The following MCTP1 variants were observed in gnomAD, a reference collection of about 807,000 sequenced individuals.
MCTP1 encodes the protein multiple C2 and transmembrane domain-containing protein 1.
A neutral mutation model predicts 120.6 loss-of-function variants in MCTP1; 69 were observed. That is an observed-to-expected ratio of 0.57 (90% CI 0.47 to 0.70). MCTP1 has a LOEUF of 0.70. MCTP1 is among the 30% of genes least tolerant of loss of function. The probability of loss-of-function intolerance (pLI) is 0.00; values close to 1 mark genes in which losing one functional copy is unlikely to be tolerated. For missense variants in MCTP1, 1,203 were observed against 1,248.8 expected (o/e 0.96, Z 0.55); for synonymous variants, 529 against 493.1 (o/e 1.07, Z -0.96).
chr5:94,877,343 A>G (rs1799104967), intron 12 of MCTP1, among the ~76,000 whole-genome samples: 1 of 152,230 alleles, frequency 6.6e-6, no homozygotes, highest in East Asian at 1.9e-4. Flanking sequence ...ATGAAGACTC[A>G]TACTTTTATC....
At chr5:94,792,116 C>T (rs1779111929) in intron 18 of MCTP1, 1 of 152,578 alleles carries the variant, frequency 6.6e-6, no homozygotes, top group Non-Finnish European at 1.5e-5. Flanking sequence ...AGACCTCAAA[C>T]TCTTCATGTG....
intron 1 of MCTP1, among the ~76,000 whole-genome samples, chr5:95,143,489 T>C (rs1760111129): frequency 6.6e-6 from 1 of 152,110 alleles, no homozygotes; most frequent in African/African-American, 2.4e-5. Context: ...TGTGATTCCA[T>C]GGTTTGGGGT....
At chr5:94,961,879 C>A (rs1252144959) in intron 2 of MCTP1, among the ~76,000 whole-genome samples, 1 of 152,068 alleles carries the variant, frequency 6.6e-6, no homozygotes, top group Non-Finnish European at 1.5e-5. Context: ...CCTCCTTAGC[C>A]CACTTTTCGA....
chr5:94,764,828 CAAAA>C (rs57246943), intron 19 of MCTP1, among the ~76,000 whole-genome samples: 3 of 90,966 alleles, frequency 3.3e-5, no homozygotes, highest in Admixed American at 1.2e-4. Context: ...TGACCTGGAC[CAAAA>C]AAAAAAAAAA....
At chr5:94,836,180 A>C (rs953842542) in intron 17 of MCTP1, among the ~76,000 whole-genome samples, 14 of 6,440 alleles carry the variant, frequency 2.2e-3, no homozygotes, top group African/African-American at 6.8e-3. Context: ...ACTCCGTCTC[A>C]AAAAAAAAAA....
chr5:95,089,117 CA>C (rs1339759561), intron 1 of MCTP1, among the ~76,000 whole-genome samples: 1 of 152,138 alleles, frequency 6.6e-6, no homozygotes, highest in Non-Finnish European at 1.5e-5. Context: ...AACTACAGAG[CA>C]AGTAACCACC....
intron 17 of MCTP1, 25 bp downstream of exon 17, chr5:94,868,308 T>A (rs745723169): frequency 1.1e-5 from 17 of 1,546,698 alleles, no homozygotes; most frequent in Non-Finnish European, 1.5e-5. Flanking sequence ...TGAATAACAA[T>A]GTAAGTAATA....
intron 1 of MCTP1, among the ~76,000 whole-genome samples, chr5:95,076,710 T>G (rs966040725): frequency 6.6e-6 from 1 of 152,234 alleles, no homozygotes; most frequent in Non-Finnish European, 1.5e-5. Context: ...ACAACGCATC[T>G]GTACATAAAG....
At chr5:94,835,233 C>G (rs1377913209) in intron 17 of MCTP1, among the ~76,000 whole-genome samples, 1 of 152,186 alleles carries the variant, frequency 6.6e-6, no homozygotes, top group African/African-American at 2.4e-5. Flanking sequence ...TTAACTGATT[C>G]TCTACTATGA....
At chr5:94,882,193 A>G (rs899219332) in intron 12 of MCTP1, among the ~76,000 whole-genome samples, 1 of 152,178 alleles carries the variant, frequency 6.6e-6, no homozygotes, top group Non-Finnish European at 1.5e-5. Flanking sequence ...GGTCTCACAT[A>G]AAATGAATTA....
intron 1 of MCTP1, among the ~76,000 whole-genome samples, chr5:95,283,558 T>C (rs1222976112): frequency 6.6e-6 from 1 of 152,248 alleles, no homozygotes; most frequent in African/African-American, 2.4e-5. Flanking sequence ...GGACATCTCC[T>C]TTCAGGAGAA....
At chr5:94,985,764 T>C (rs1187740182) in intron 2 of MCTP1, among the ~76,000 whole-genome samples, 1 of 152,102 alleles carries the variant, frequency 6.6e-6, no homozygotes, top group Non-Finnish European at 1.5e-5. Context: ...GTGAAAAACA[T>C]AGTTGCTGCC....
At chr5:95,233,655 A>T (rs758182135) in intron 1 of MCTP1, among the ~76,000 whole-genome samples, 31 of 152,216 alleles carry the variant, frequency 2.0e-4, no homozygotes, top group Non-Finnish European at 3.7e-4. Flanking sequence ...TAAATAAATC[A>T]TAAGTCAAAG....
At chr5:94,880,033 G>A (rs139645649) in intron 12 of MCTP1, among the ~76,000 whole-genome samples, 71 of 152,198 alleles carry the variant, frequency 4.7e-4, no homozygotes, top group Non-Finnish European at 9.3e-4. Context: ...GGAGACAGAT[G>A]AGAAACTGGA....
intron 1 of MCTP1, among the ~76,000 whole-genome samples, chr5:95,182,339 G>GT (rs113333476): frequency 0.012 from 1,899 of 152,306 alleles, 36 homozygotes; most frequent in African/African-American, 0.043. Flanking sequence ...GATTTGATAA[G>GT]ATATTGAGAA....
At chr5:94,807,792 T>C (rs1433731500) in intron 17 of MCTP1, among the ~76,000 whole-genome samples, 2 of 152,150 alleles carry the variant, frequency 1.3e-5, no homozygotes, top group African/African-American at 4.8e-5. Context: ...CAATGAAGAA[T>C]TTTCCTGCCC....
intron 6 of MCTP1, among the ~76,000 whole-genome samples, chr5:94,927,569 T>A (rs1813479835): frequency 6.6e-6 from 1 of 152,128 alleles, no homozygotes; most frequent in South Asian, 2.1e-4. Context: ...TAAAAAAAAT[T>A]GCCTATTTAT....
In MCTP1 at chr5:95,284,264, C is replaced by A; in HGVS notation, c.312G>T (p.Pro104=). The change falls in exon 1 of 23, where the codon CCG becomes CCT. Residue 104 remains proline (P), a synonymous_variant. Transcript: ENST00000515393. The surrounding 1 kb of genome is among the most constrained non-coding windows in gnomAD (Gnocchi z 5.2). The part of the protein sequence containing the change: ...SSQPNLCCSS[P]EPLEPGGAGR... ...CGGCGCCGCCGGGCTCCAGGGGCTC[C>A]GGCGACGAGCAGCACAGGTTGGGCT... 6.3e-7 allele frequency: 1 copy of A among 1,591,416 alleles called. No individual in the cohort carries two copies. Among genetic ancestry groups the A allele is most frequent in the Non-Finnish European group, 8.5e-7 (1 of 1,176,090 alleles).
intron 1 of MCTP1, among the ~76,000 whole-genome samples, chr5:95,259,482 G>A (rs541604613): frequency 1.2e-3 from 187 of 152,144 alleles, no homozygotes; most frequent in Middle Eastern, 6.8e-3. Flanking sequence ...GTTACTCTGG[G>A]GTTTCTCCTG....
Sources: gnomAD v4.1 joint callset for allele counts (sites outside exome capture counted in the v4.1 genomes callset) on GRCh38, gnomAD v4.1.1 for gene constraint, Gnocchi (gnomAD v3.1) non-coding constraint, MANE v1.5 for transcripts, NCBI Gene and HGNC (gene_info 2026-07-23, HGNC 2026-07-21) for gene names.